The following RMND1 variants were observed in gnomAD, a reference collection of about 807,000 sequenced individuals.
RMND1 encodes the protein required for meiotic nuclear division 1 homolog, also known as required for meiotic nuclear division protein 1 homolog.
RMND1 carries 41 observed loss-of-function variants against 54.0 expected under a neutral mutation model. The observed-to-expected ratio is 0.76, with a 90% CI of 0.59 to 0.98. RMND1 has a LOEUF of 0.98. RMND1 is among the 50% of genes least tolerant of loss of function. The probability of loss-of-function intolerance (pLI) is 0.00; values close to 1 mark genes in which losing one functional copy is unlikely to be tolerated. For synonymous variants in RMND1, 183 were observed against 181.7 expected (o/e 1.01, Z -0.06); for missense variants, 457 against 532.0 (o/e 0.86, Z 1.39).
intron 6 of RMND1, among the ~76,000 whole-genome samples, chr6:151,426,479 T>A (rs1000916820): frequency 1.3e-5 from 2 of 152,180 alleles, no homozygotes; most frequent in African/African-American, 4.8e-5. Context: ...CTTCTACAAG[T>A]GGGTCTCTTA....
At position 151,451,450 on chromosome 6, in the gene RMND1, A is replaced by G. The variant is rs143853821; in HGVS notation, c.-15+566T>C. ...TGCATTGGGAGTGACAGACAAAACG[A>G]GGTAAATCAGTAAAATACGTGAGAC... On this transcript the variant is annotated intron_variant, in intron 1 of 11. Transcript: ENST00000444024. 1.7e-3 allele frequency among the ~76,000 whole-genome samples: 264 copies of G among 152,300 alleles called. 1 individual carries two copies. The East Asian group carries it at 0.041, about 24-fold the overall frequency.
At chr6:151,449,824 C>CCAG (rs1781080722) in intron 1 of RMND1, among the ~76,000 whole-genome samples, 3 of 152,236 alleles carry the variant, frequency 2.0e-5, no homozygotes, top group African/African-American at 7.2e-5. Flanking sequence ...GGTTTTCGTA[C>CCAG]TTTTTTGGTG....
At chr6:151,437,342 G>T (rs1043180763) in intron 2 of RMND1, among the ~76,000 whole-genome samples, 1 of 152,120 alleles carries the variant, frequency 6.6e-6, no homozygotes, top group Non-Finnish European at 1.5e-5. Context: ...TCACTTACAT[G>T]TATCTATGTA....
chr6:151,443,868 C>T (rs1780866965), intron 2 of RMND1, among the ~76,000 whole-genome samples: 1 of 152,316 alleles, frequency 6.6e-6, no homozygotes, highest in African/African-American at 2.4e-5. Flanking sequence ...CTTTTAATTA[C>T]TGCGCTTCTC....
intron 3 of RMND1, among the ~76,000 whole-genome samples, chr6:151,435,166 GAC>G (rs752289995): frequency 3.3e-4 from 50 of 151,600 alleles, no homozygotes; most frequent in Admixed American, 2.4e-3. Flanking sequence ...TATTTTTTAA[GAC>G]AGAGTCTCAC....
At chr6:151,444,060 T>C (rs1408571072) in intron 2 of RMND1, among the ~76,000 whole-genome samples, 4 of 152,126 alleles carry the variant, frequency 2.6e-5, no homozygotes, top group Non-Finnish European at 4.4e-5. Context: ...TAAAGAAAAA[T>C]AGATACGGTA....
chr6:151,417,769 ATTAT>A (rs1351502359), intron 9 of RMND1, among the ~76,000 whole-genome samples: 3 of 151,910 alleles, frequency 2.0e-5, no homozygotes, highest in African/African-American at 7.3e-5. Context: ...TAATACCAAC[ATTAT>A]TTATGAAGTA....
chr6:151,444,048 T>C (rs934096799), intron 2 of RMND1, among the ~76,000 whole-genome samples: 1 of 152,104 alleles, frequency 6.6e-6, no homozygotes, highest in Non-Finnish European at 1.5e-5. Context: ...GAAAAAAAAA[T>C]CTAAAGAAAA....
In RMND1 at chr6:151,451,198, T is replaced by TAAAA. The variant is rs58457871; in HGVS notation, c.-15+814_-15+817dup. ...GCGAGAAACACCCAAGAATGATCAA[T>TAAAA]AAAAAAAAAAAAAAAAAAAAACACA... On this transcript the variant is annotated intron_variant, in intron 1 of 11. Transcript: ENST00000444024. Among the ~76,000 whole-genome samples, 200 of 113,320 alleles carry TAAAA rather than the reference T, an allele frequency of 1.8e-3. 3 individuals carry two copies. Among genetic ancestry groups the TAAAA allele is most frequent in the Middle Eastern group, 5.2e-3 (1 of 194 alleles). The allele number at this position is 113,320 out of a possible 152,430, so 74.3% of individuals were successfully genotyped here.
chr6:151,428,316 A>G (rs758790060), intron 5 of RMND1, among the ~76,000 whole-genome samples: 7 of 152,164 alleles, frequency 4.6e-5, no homozygotes, highest in Non-Finnish European at 7.3e-5. Flanking sequence ...CTTTTTATGT[A>G]AAATAGGATC....
At chr6:151,425,946 C>CTTT (rs67910450) in intron 6 of RMND1, among the ~76,000 whole-genome samples, 2,454 of 137,652 alleles carry the variant, frequency 0.018, 87 homozygotes, top group African/African-American at 0.059. Context: ...GCTTTTAACG[C>CTTT]TTTTTTTTTT....
At chr6:151,428,410 T>C (rs927627504) in intron 5 of RMND1, among the ~76,000 whole-genome samples, 9 of 152,240 alleles carry the variant, frequency 5.9e-5, no homozygotes, top group African/African-American at 9.6e-5. Flanking sequence ...GTGTCCTCCA[T>C]GGGGAATTTT....
chr6:151,421,076 C>G, intron 9 of RMND1, 169 bp downstream of exon 9: 1 of 575,066 alleles, frequency 1.7e-6, no homozygotes, highest in Non-Finnish European at 3.1e-6. Context: ...TTAACACAGC[C>G]CAACTACTTC....
At chr6:151,427,654 C>T (rs1780342060) in intron 5 of RMND1, 72 bp from the exon 6 acceptor site, 1 of 940,424 alleles carries the variant, frequency 1.1e-6, no homozygotes. Context: ...GATTTTAATG[C>T]TTATAACAGT....
At position 151,445,708 on chromosome 6, in the gene RMND1, T is replaced by C; in HGVS notation, c.104A>G (p.Glu35Gly). Residue 35 changes from glutamate to glycine, a missense_variant, in exon 2 of 12, where the codon GAA becomes GGA. By Grantham distance (98) the Glu-to-Gly change is moderately conservative. Transcript: ENST00000444024. The part of the protein sequence containing the change: ...IGHLMLKPLK[E>G]FENTTCSTLT... ...TGTGCTGCATGTTGTATTTTCAAATTCCTTAAGTGGTTTTAACATTAGATG... is the reference window on the plus strand; with the variant it reads ...TGTGCTGCATGTTGTATTTTCAAATCCCTTAAGTGGTTTTAACATTAGATG... 1 of 1,614,188 alleles carries C rather than the reference T, an allele frequency of 6.2e-7. No individual in the cohort carries two copies. Among genetic ancestry groups the C allele is most frequent in the South Asian group, 1.1e-5 (1 of 91,082 alleles).
intron 9 of RMND1, chr6:151,418,443 CTTT>C (rs1373368262): frequency 1.3e-5 from 2 of 151,956 alleles, no homozygotes; most frequent in Admixed American, 1.3e-4. Flanking sequence ...TATGTCCACA[CTTT>C]TTTGTTTTTT....
At chr6:151,422,912 T>C (rs1440187710) in intron 7 of RMND1, among the ~76,000 whole-genome samples, 6 of 152,112 alleles carry the variant, frequency 3.9e-5, no homozygotes. Flanking sequence ...CATGGGTAGC[T>C]CTGCAGATAG....
intron 3 of RMND1, among the ~76,000 whole-genome samples, chr6:151,434,874 A>G (rs1229614839): frequency 6.6e-6 from 1 of 152,190 alleles, no homozygotes; most frequent in African/African-American, 2.4e-5. Context: ...TTTGAGACAG[A>G]GTCTCGCTCT....
rs1044720212 is a variant in RMND1, at chr6:151,405,164, C to T, written c.*71G>A. 4.2e-6 allele frequency: 6 copies of T among 1,442,012 alleles called. No individual in the cohort carries two copies. Among genetic ancestry groups the T allele is most frequent in the East Asian group, 2.3e-5 (1 of 43,716 alleles). 89.3% of individuals were successfully genotyped at this position (1,442,012 alleles called of 1,614,324 possible). A position where few individuals can be genotyped will look rare whatever the true frequency, so the allele number is the denominator to read the frequency against. On this transcript the variant is annotated 3_prime_UTR_variant, in exon 12 of 12. Coordinates refer to ENST00000444024, the MANE Select transcript of RMND1 (RefSeq NM_017909.4). The stretch of plus-strand genomic sequence containing the variant: ...GGATTACAGGCATGAGGCACCGCGC[C>T]GGGCCGAACATTTAATTTTTGATTG...
Sources: allele counts gnomAD v4.1 joint callset (sites outside exome capture counted in the v4.1 genomes callset), GRCh38; gene constraint gnomAD v4.1.1; transcripts MANE v1.5; gene names NCBI Gene and HGNC (gene_info 2026-07-23, HGNC 2026-07-21).